RSBN1: variants seen among roughly 807,000 people sequenced by gnomAD.
The protein encoded by RSBN1 is lysine-specific demethylase 9.
In RSBN1, 23 loss-of-function variants were observed where a neutral mutation model predicts 74.8. The observed-to-expected ratio is 0.31, with a 90% CI of 0.22 to 0.44. The LOEUF (loss-of-function observed/expected upper bound fraction) is 0.44. Among genes scored for constraint, RSBN1 ranks in the 20% least tolerant of loss-of-function variants. The pLI is 1.00. For missense variants in RSBN1, 808 were observed against 1,020.9 expected, an observed-to-expected ratio of 0.79 and a Z score of 2.84; for synonymous variants, 407 against 379.6, an observed-to-expected ratio of 1.07 and a Z score of -0.84.
chr1:113,785,001 T>G (rs866101525), intron 2 of RSBN1, among the ~76,000 whole-genome samples: 1 of 152,232 alleles, frequency 6.6e-6, no homozygotes, highest in Admixed American at 6.5e-5. Flanking sequence ...GTAATTTTTA[T>G]AAACTTTATG....
chr1:113,798,203 T>C (rs1660511973), intron 1 of RSBN1, among the ~76,000 whole-genome samples, 167 bp from the exon 2 acceptor site: 1 of 152,124 alleles, frequency 6.6e-6, no homozygotes, highest in Non-Finnish European at 1.5e-5. Context: ...AATATAATAA[T>C]ATTCTGGATT....
At chr1:113,792,786 G>C (rs1163663599) in intron 2 of RSBN1, among the ~76,000 whole-genome samples, 1 of 152,012 alleles carries the variant, frequency 6.6e-6, no homozygotes, top group Non-Finnish European at 1.5e-5. Flanking sequence ...GCCACAGAGC[G>C]AGACCTCATC....
intron 1 of RSBN1, among the ~76,000 whole-genome samples, chr1:113,803,650 A>C (rs556659694): frequency 4.3e-4 from 66 of 152,326 alleles, no homozygotes; most frequent in African/African-American, 1.5e-3. Flanking sequence ...TATTATTGCC[A>C]AAAACAGTTG....
intron 2 of RSBN1, among the ~76,000 whole-genome samples, chr1:113,785,171 A>G (rs1660215327): frequency 6.6e-6 from 1 of 152,134 alleles, no homozygotes; most frequent in South Asian, 2.1e-4. Flanking sequence ...AAACAAAGAT[A>G]CAAATGCACA....
rs199843404 is a variant in RSBN1 at position 113,811,811 on chromosome 1, T to A, written c.602A>T (p.Asp201Val). The A allele has an allele frequency of 6.2e-7, 1 of 1,613,778 alleles. No individual in the cohort carries two copies. Among genetic ancestry groups the A allele is most frequent in the Non-Finnish European group, 8.5e-7 (1 of 1,179,978 alleles). The change falls in exon 1 of 7, where the codon GAT (aspartate) becomes GTT (valine). Residue 201 changes from aspartate to valine, a missense_variant. Coordinates refer to ENST00000261441, the MANE Select transcript of RSBN1 (RefSeq NM_018364.5). ...GGTTCCGCAGGAGCTGGGATCACCA[T>A]CGGGGCCGCGGTGGTGATGGTGCTT... ...RHKHHHHRGP[D>V]GDPSSCGTDL...
rs138448231 is a variant in RSBN1, at chr1:113,812,187, G to A, written c.226C>T (p.Pro76Ser). The change falls in exon 1 of 7, where the codon CCT becomes TCT. Residue 76 changes from proline to serine, a missense_variant. Transcript: ENST00000261441. ...CCCCGCGGGGAGACCCCAGCATGAG[G>A]TTTCTCCTTCCCCTCTTTGTCCGGC... Reference protein sequence around the residue: ...EEPDKEGKEKPHAGVSPRGVK... With the variant: ...EEPDKEGKEKSHAGVSPRGVK... The A allele has an allele frequency of 6.2e-7, 1 of 1,608,562 alleles. No homozygotes were observed. Among genetic ancestry groups the A allele is most frequent in the African/African-American group, 1.3e-5 (1 of 74,870 alleles).
chr1:113,783,579 C>T (rs1254790125), intron 2 of RSBN1, among the ~76,000 whole-genome samples: 1 of 152,136 alleles, frequency 6.6e-6, no homozygotes, highest in Non-Finnish European at 1.5e-5. Context: ...GGCATATGGC[C>T]AATAAGCTAG....
At position 113,777,363 on chromosome 1, in the gene RSBN1, G is replaced by T; in HGVS notation, c.1516-11C>A. The T allele has an allele frequency of 1.9e-6, 3 of 1,603,348 alleles. No homozygotes were observed. Among genetic ancestry groups the T allele is most frequent in the South Asian group, 2.3e-5 (2 of 88,668 alleles). Reference sequence around the variant, plus strand: ...CCAGGGCAAAGTCATCTAGAAATCAGACGGATTAGTCACATTAAAAAATTG... The same window carrying T: ...CCAGGGCAAAGTCATCTAGAAATCATACGGATTAGTCACATTAAAAAATTG... On this transcript the variant is annotated splice_polypyrimidine_tract_variant and intron_variant, in intron 3 of 6. Coordinates refer to ENST00000261441, the MANE Select transcript of RSBN1 (RefSeq NM_018364.5).
intron 4 of RSBN1, among the ~76,000 whole-genome samples, chr1:113,774,038 T>G (rs2101795648): frequency 6.6e-6 from 1 of 152,070 alleles, no homozygotes; most frequent in Non-Finnish European, 1.5e-5. Flanking sequence ...AACACGCATA[T>G]GCACAAACAT....
In RSBN1 at chr1:113,763,821, G is replaced by C. The variant is rs1659732129; in HGVS notation, c.*2159C>G. The C allele has an allele frequency of 1.3e-5, 2 of 152,632 alleles. No homozygotes were observed. The highest frequency in any genetic ancestry group is 4.1e-4 in the South Asian group (2 of 4,828). 9.5% of individuals were successfully genotyped at this position (152,632 alleles called of 1,614,324 possible). On this transcript the variant is annotated 3_prime_UTR_variant, in exon 7 of 7. Transcript: ENST00000261441. ...TGGTTCCTGAGTGATAATACACAGT[G>C]CTGGCTGTCAGGAGACAGTCTCCTT...
chr1:113,811,482 GA>G (rs1558006989), intron 1 of RSBN1, among the ~76,000 whole-genome samples: 1 of 152,210 alleles, frequency 6.6e-6, no homozygotes. Flanking sequence ...GGCTCCGGGG[GA>G]CCGGTAAAGG....
chr1:113,805,009 T>C (rs141390967), intron 1 of RSBN1, among the ~76,000 whole-genome samples: 4 of 152,214 alleles, frequency 2.6e-5, no homozygotes, highest in Non-Finnish European at 4.4e-5. Flanking sequence ...CTATGGGGGC[T>C]GTCCTTCCTT....
At position 113,811,156 on chromosome 1, in the gene RSBN1, T is replaced by C. The variant is rs1458620370; in HGVS notation, c.703+554A>G. ...ATTCTAAGAATTTAAATAGCTAATA[T>C]GAAAACTTTAAAATGATTTTTACCT... On this transcript the variant is annotated intron_variant, in intron 1 of 6. Coordinates refer to ENST00000261441, the MANE Select transcript of RSBN1 (RefSeq NM_018364.5). Among the ~76,000 whole-genome samples the C allele has an allele frequency of 3.3e-5, 5 of 152,316 alleles. No homozygotes were observed. In the South Asian group the frequency reaches 1.0e-3, roughly 32 times the overall value.
chr1:113,811,850 T>A lies in RSBN1; in HGVS notation c.563A>T (p.His188Leu). 4 of 1,613,678 alleles carry A rather than the reference T, an allele frequency of 2.5e-6. No homozygotes were observed. The highest frequency in any genetic ancestry group is 3.4e-6 in the Non-Finnish European group (4 of 1,179,926). Residue 188 changes from histidine to leucine, a missense_variant, in exon 1 of 7, where the codon CAC (histidine) becomes CTC (leucine). Physicochemically the swap from His to Leu is moderately conservative, Grantham distance 99. This residue lies in a region of RSBN1 where 464 missense variants were observed against 401.0 expected (regional missense o/e 1.16). Coordinates refer to ENST00000261441, the MANE Select transcript of RSBN1 (RefSeq NM_018364.5). ...GTGATGGTGCTTGTGCCGCTCCTTG[T>A]GGCCCTTATGCTTGGGCCCGGCCGC... ...VSAAGPKHKG[H>L]KERHKHHHHR...
chr1:113,787,008 T>C (rs1470590507), intron 2 of RSBN1, among the ~76,000 whole-genome samples: 1 of 152,208 alleles, frequency 6.6e-6, no homozygotes, highest in Admixed American at 6.6e-5. Flanking sequence ...TATTTTTGCA[T>C]ATAAACTTCA....
At chr1:113,782,680 G>A (rs893048093) in intron 2 of RSBN1, among the ~76,000 whole-genome samples, 1 of 152,156 alleles carries the variant, frequency 6.6e-6, no homozygotes, top group Non-Finnish European at 1.5e-5. Context: ...GGAATTGCTT[G>A]GTCATGTGGT....
intron 2 of RSBN1, among the ~76,000 whole-genome samples, chr1:113,778,578 G>A (rs951286719): frequency 1.3e-5 from 2 of 152,132 alleles, no homozygotes; most frequent in Admixed American, 1.3e-4. Context: ...AGGAGTACAG[G>A]TGTGAGCCAC....
intron 1 of RSBN1, among the ~76,000 whole-genome samples, chr1:113,810,790 T>C (rs1660821625): frequency 6.6e-6 from 1 of 152,114 alleles, no homozygotes; most frequent in Admixed American, 6.6e-5. Context: ...GTAAATTATA[T>C]AAAATAATAT....
chr1:113,789,083 A>G (rs1390843627), intron 2 of RSBN1, among the ~76,000 whole-genome samples: 2 of 152,072 alleles, frequency 1.3e-5, no homozygotes, highest in African/African-American at 2.4e-5. Context: ...TTTGTATGCT[A>G]ATATTGACTA....
Sources: gnomAD v4.1 joint callset for allele counts (sites outside exome capture counted in the v4.1 genomes callset) on GRCh38, gnomAD v4.1.1 for gene constraint, gnomAD v4.1.1 regional missense constraint, MANE v1.5 for transcripts, NCBI Gene and HGNC (gene_info 2026-07-23, HGNC 2026-07-21) for gene names.